Variants in RRM1 observed in about 807,000 individuals in gnomAD.
The protein encoded by RRM1 is ribonucleotide reductase catalytic subunit M1, also known as ribonucleoside-diphosphate reductase large subunit.
Under a neutral mutation model 101.5 loss-of-function variants are expected in RRM1, and 19 were observed. The ratio of observed to expected loss-of-function variants is 0.19; its 90% CI spans 0.13 to 0.27. The LOEUF is 0.27. RRM1 is among the 10% of genes least tolerant of loss of function. The probability of loss-of-function intolerance (pLI) is 1.00; values close to 1 mark genes in which losing one functional copy is unlikely to be tolerated. For missense variants in RRM1, 500 were observed against 962.9 expected (o/e 0.52, Z 6.36); for synonymous variants, 298 against 323.4 (o/e 0.92, Z 0.84).
chr11:4,123,148 A>C, intron 11 of RRM1, 35 bp from the exon 12 acceptor site: 1 of 1,517,524 alleles, frequency 6.6e-7, no homozygotes, highest in East Asian at 2.4e-5. Context: ...TTTTTTAGGG[A>C]ATATATATTA....
intron 4 of RRM1, among the ~76,000 whole-genome samples, chr11:4,107,892 T>A (rs551965621): frequency 3.9e-4 from 59 of 152,344 alleles, no homozygotes; most frequent in African/African-American, 1.3e-3. Flanking sequence ...TTGTATAACG[T>A]TCCATTTTGT....
intron 10 of RRM1, 113 bp from the exon 11 acceptor site, chr11:4,122,028 C>A: frequency 2.4e-6 from 2 of 838,318 alleles, no homozygotes; most frequent in South Asian, 3.8e-5. Context: ...ATTATTTCTA[C>A]AGCAAATTTC....
rs1354645316 is a variant in RRM1, at chr11:4,127,221, T to C, written c.1657T>C (p.Tyr553His). ...TGACCTTGCCAAGGAGCAGGGCCCA[T>C]ACGAAACCTATGAGGGCTCTCCAGT... Reference protein sequence around the residue: ...SCDLAKEQGPYETYEGSPVSK... With the variant: ...SCDLAKEQGPHETYEGSPVSK... Residue 553 changes from tyrosine to histidine, a missense_variant, in exon 14 of 19, where the codon TAC becomes CAC. This residue lies in a region of RRM1 where 106 missense variants were observed against 138.1 expected (regional missense o/e 0.77). Transcript: ENST00000300738. 1 of 1,605,744 alleles carries C rather than the reference T, an allele frequency of 6.2e-7. No individual in the cohort carries two copies. Among genetic ancestry groups the C allele is most frequent in the South Asian group, 1.1e-5 (1 of 89,556 alleles).
chr11:4,126,790 A>G lies in RRM1; in HGVS notation c.1427A>G (p.Asn476Ser), dbSNP rs1373166600. 2.3e-5 allele frequency: 37 copies of G among 1,613,440 alleles called. No individual in the cohort carries two copies. Among genetic ancestry groups the G allele is most frequent in the Non-Finnish European group, 2.8e-5 (33 of 1,179,588 alleles). The change falls in exon 13 of 19, where the codon AAC becomes AGC. Residue 476 changes from asparagine to serine, a missense_variant. Coordinates refer to ENST00000300738, the MANE Select transcript of RRM1 (RefSeq NM_001033.5). ...LAEVTKVVVR[N>S]LNKIIDINYY... The stretch of plus-strand genomic sequence containing the variant: ...GAAGTCACTAAAGTCGTTGTCCGAA[A>G]CTTGAATAAAATTATTGATATAAAC...
At chr11:4,119,397 TC>T (rs1170884375) in intron 8 of RRM1, among the ~76,000 whole-genome samples, 2 of 152,220 alleles carry the variant, frequency 1.3e-5, no homozygotes, top group African/African-American at 4.8e-5. Flanking sequence ...GCTGAGAATC[TC>T]CTTTTACCTT....
chr11:4,109,159 A>G (rs144163932), intron 4 of RRM1, among the ~76,000 whole-genome samples: 246 of 151,964 alleles, frequency 1.6e-3, no homozygotes, highest in African/African-American at 5.7e-3. Flanking sequence ...GCTTCCTGTC[A>G]TTGTTTATTA....
intron 12 of RRM1, among the ~76,000 whole-genome samples, chr11:4,125,382 T>C (rs933725479): frequency 6.6e-6 from 1 of 152,240 alleles, no homozygotes; most frequent in Non-Finnish European, 1.5e-5. Context: ...TGTGGCCTTT[T>C]GTGTCAGGCT....
At chr11:4,120,999 G>A (rs12273142) in intron 9 of RRM1, among the ~76,000 whole-genome samples, 17,230 of 152,116 alleles carry the variant, frequency 0.11, 1,841 homozygotes, top group African/African-American at 0.28. Context: ...CAGCCTGGGC[G>A]GTAGAGCTAG....
chr11:4,131,316 G>A (rs1043481440), intron 15 of RRM1, among the ~76,000 whole-genome samples: 3 of 152,176 alleles, frequency 2.0e-5, no homozygotes, highest in African/African-American at 7.2e-5. Context: ...GGTCCCTCCC[G>A]TAACGTGGGG....
chr11:4,096,808 G>C (rs1352749124), intron 1 of RRM1, among the ~76,000 whole-genome samples: 1 of 151,862 alleles, frequency 6.6e-6, no homozygotes, highest in Non-Finnish European at 1.5e-5. Flanking sequence ...CCTGGCTTGA[G>C]CATCTATTTT....
Position 4,138,333 on chromosome 11 carries a change from A to T in RRM1, c.2329A>T (p.Met777Leu). Residue 777 changes from methionine to leucine, a missense_variant, in exon 19 of 19, where the codon ATG (methionine) becomes TTG (leucine). By Grantham distance (15) the Met-to-Leu change is conservative (BLOSUM62 2). Coordinates refer to ENST00000300738, the MANE Select transcript of RRM1 (RefSeq NM_001033.5). ...AGAGAAGGAGAGGAACACAGCAGCC[A>T]TGGTGTGCTCTTTGGAGAATAGAGA... ...EEEKERNTAAMVCSLENRDEC... is the reference protein window; with the variant it reads ...EEEKERNTAALVCSLENRDEC... 6.2e-7 allele frequency: 1 copy of T among 1,612,800 alleles called. No homozygotes were observed. Among genetic ancestry groups the T allele is most frequent in the Non-Finnish European group, 8.5e-7 (1 of 1,179,478 alleles).
At chr11:4,136,814 CAG>C (rs1835286608) in intron 18 of RRM1, among the ~76,000 whole-genome samples, 1 of 151,620 alleles carries the variant, frequency 6.6e-6, no homozygotes, top group African/African-American at 2.4e-5. Flanking sequence ...GTGTTTCTCA[CAG>C]AGGGGGATTT....
intron 2 of RRM1, among the ~76,000 whole-genome samples, chr11:4,105,210 A>G (rs1036847): frequency 0.88 from 133,920 of 152,158 alleles, 59,250 homozygotes; most frequent in South Asian, 0.93. Flanking sequence ...TGAAAGATAA[A>G]TTTTCAGAGA....
At chr11:4,099,247 A>G (rs981122793) in intron 1 of RRM1, 1 of 150,604 alleles carries the variant, frequency 6.6e-6, no homozygotes, top group East Asian at 2.0e-4. Flanking sequence ...GGTTCAGGCA[A>G]TTCTGCCTCA....
intron 9 of RRM1, 42 bp downstream of exon 9, chr11:4,119,970 G>GTT: frequency 1.7e-6 from 2 of 1,181,196 alleles, no homozygotes; most frequent in Non-Finnish European, 1.3e-6. Context: ...CAGAACTAAA[G>GTT]GTGATTTAGT....
rs1420546019 is a variant in RRM1, at chr11:4,099,948, C to CA, written c.20-2045_20-2044insA. Reference sequence around the variant, plus strand: ...TTCTTTTTGCTAAGTTGCTTTCCCCCCCCACTGCATGTATAATTGCAGAAC... The same window carrying CA: ...TTCTTTTTGCTAAGTTGCTTTCCCCCACCCACTGCATGTATAATTGCAGAAC... On this transcript the variant is annotated intron_variant, in intron 1 of 18. Coordinates refer to ENST00000300738, the MANE Select transcript of RRM1 (RefSeq NM_001033.5). Among the ~76,000 whole-genome samples the CA allele has an allele frequency of 3.9e-5, 6 of 152,050 alleles. No homozygotes were observed. In the East Asian group the frequency reaches 9.6e-4, roughly 24 times the overall value.
At chr11:4,128,301 G>C (rs1396171471) in intron 14 of RRM1, among the ~76,000 whole-genome samples, 1 of 151,932 alleles carries the variant, frequency 6.6e-6, no homozygotes, top group African/African-American at 2.4e-5. Context: ...TAGTAGAGAT[G>C]GGGTTTTGCC....
At chr11:4,094,685 C>T (rs1453997535), upstream of RRM1, 2 of 463,780 alleles carry the variant, frequency 4.3e-6, no homozygotes, top group Non-Finnish European at 7.9e-6. Context: ...GAGGCGTAGT[C>T]TTCTGGGTCT....
chr11:4,129,169 A>C lies in RRM1; in HGVS notation c.1769+19A>C, dbSNP rs2094594778. ...TTGCAAAGTAAGTGAAAAGATGTAAAGTAGCTTTGAAGGCAGAAGGGTTTA... is the reference window on the plus strand; with the variant it reads ...TTGCAAAGTAAGTGAAAAGATGTAACGTAGCTTTGAAGGCAGAAGGGTTTA... On this transcript the variant is annotated intron_variant, in intron 15 of 18. Coordinates refer to ENST00000300738, the MANE Select transcript of RRM1 (RefSeq NM_001033.5). 6.6e-7 allele frequency: 1 copy of C among 1,506,240 alleles called. No homozygotes were observed. The highest frequency in any genetic ancestry group is 1.4e-5 in the African/African-American group (1 of 72,398). 93.3% of individuals were successfully genotyped at this position (1,506,240 alleles called of 1,614,324 possible). A position where few individuals can be genotyped will look rare whatever the true frequency, so the allele number is the denominator to read the frequency against.
Sources: allele counts gnomAD v4.1 joint callset (sites outside exome capture counted in the v4.1 genomes callset), GRCh38; gene constraint gnomAD v4.1.1; regional missense constraint gnomAD v4.1.1; transcripts MANE v1.5; gene names NCBI Gene and HGNC (gene_info 2026-07-23, HGNC 2026-07-21).